Variants in SIPA1L2 observed in about 807,000 individuals in gnomAD.
SIPA1L2 encodes signal induced proliferation associated 1 like 2.
SIPA1L2 carries 56 observed loss-of-function variants against 163.9 expected under a neutral mutation model. That is an observed-to-expected ratio of 0.34 (90% CI 0.28 to 0.43). The LOEUF (loss-of-function observed/expected upper bound fraction) is 0.43, where lower values mean the gene tolerates loss of function less well. Among genes scored for constraint, SIPA1L2 ranks in the 20% least tolerant of loss-of-function variants. The pLI is 1.00. For missense variants in SIPA1L2, 1,974 were observed against 2,193.5 expected (o/e 0.90, Z 2.00); for synonymous variants, 877 against 865.7 (o/e 1.01, Z -0.23).
intron 2 of SIPA1L2, among the ~76,000 whole-genome samples, chr1:232,522,715 A>C (rs1004670488): frequency 3.3e-5 from 5 of 152,204 alleles, no homozygotes; most frequent in Admixed American, 3.3e-4. Context: ...AAGTGGGAAT[A>C]ATTTTATCTA....
At chr1:232,587,327 C>G (rs1424577738) in intron 1 of SIPA1L2, among the ~76,000 whole-genome samples, 1 of 151,890 alleles carries the variant, frequency 6.6e-6, no homozygotes, top group Non-Finnish European at 1.5e-5. Flanking sequence ...CGTCTATCAC[C>G]ACACGTATGA....
intron 8 of SIPA1L2, among the ~76,000 whole-genome samples, chr1:232,468,757 A>C (rs1664650696): frequency 6.6e-6 from 1 of 152,186 alleles, no homozygotes; most frequent in Non-Finnish European, 1.5e-5. Context: ...CTTAGCTACC[A>C]AGACTTCTCT....
intron 5 of SIPA1L2, among the ~76,000 whole-genome samples, chr1:232,487,464 G>A (rs1389243918): frequency 6.6e-6 from 1 of 152,108 alleles, no homozygotes; most frequent in African/African-American, 2.4e-5. Flanking sequence ...AGGACAAGAG[G>A]GGAATGGGGC....
intron 1 of SIPA1L2, among the ~76,000 whole-genome samples, chr1:232,611,019 G>C (rs1238979575): frequency 6.6e-6 from 1 of 152,132 alleles, no homozygotes; most frequent in African/African-American, 2.4e-5. Context: ...TTGTGGGAGG[G>C]ACCCAGTGGG....
chr1:232,529,354 G>A lies in SIPA1L2; in HGVS notation c.-269-13746C>T, dbSNP rs150779091. On this transcript the variant is annotated intron_variant, in intron 2 of 22. Transcript: ENST00000674635. ...CTCTAAAACTTGACCTTCAAAATACGTTGTGTTCCTTTACTATGTAACGGT... is the reference window on the plus strand; with the variant it reads ...CTCTAAAACTTGACCTTCAAAATACATTGTGTTCCTTTACTATGTAACGGT... Among the ~76,000 whole-genome samples, 44 of 152,214 alleles carry A rather than the reference G, an allele frequency of 2.9e-4. No individual in the cohort carries two copies. The South Asian group carries it at 4.4e-3, about 15-fold the overall frequency.
At chr1:232,450,983 G>A (rs904847587) in intron 10 of SIPA1L2, among the ~76,000 whole-genome samples, 1 of 152,054 alleles carries the variant, frequency 6.6e-6, no homozygotes. Context: ...ACTAAGAACT[G>A]GCATTCTTTT....
rs200442380 is a variant in SIPA1L2 at position 232,471,496 on chromosome 1, G to A, written c.2118C>T (p.Ile706=). 9 of 1,613,812 alleles carry A rather than the reference G, an allele frequency of 5.6e-6. No individual in the cohort carries two copies. Among genetic ancestry groups the A allele is most frequent in the African/African-American group, 4.0e-5 (3 of 74,912 alleles). ...LLRKRHIGND[I]VTIVFQEPGA... is the part of the protein sequence containing the mutation. Reference sequence around the variant, plus strand: ...CAGGCTCCTGGAAGACGATGGTGACGATGTCATTTCCTATGTGCCTTTTCC... The same window carrying A: ...CAGGCTCCTGGAAGACGATGGTGACAATGTCATTTCCTATGTGCCTTTTCC... Residue 706 remains isoleucine (I), a synonymous_variant, in exon 8 of 23, where the codon ATC becomes ATT. Transcript: ENST00000674635.
At chr1:232,474,304 T>G (rs1177830634) in intron 7 of SIPA1L2, among the ~76,000 whole-genome samples, 1 of 152,234 alleles carries the variant, frequency 6.6e-6, no homozygotes, top group Non-Finnish European at 1.5e-5. Context: ...ACATAGTCAT[T>G]TCTACTAAAT....
At chr1:232,399,941 C>T (rs1660234442) in intron 22 of SIPA1L2, among the ~76,000 whole-genome samples, 1 of 152,160 alleles carries the variant, frequency 6.6e-6, no homozygotes, top group African/African-American at 2.4e-5. Flanking sequence ...CGGGATCTAA[C>T]TCAACCACTA....
chr1:232,603,818 T>A (rs1661742296), intron 1 of SIPA1L2, among the ~76,000 whole-genome samples: 1 of 152,014 alleles, frequency 6.6e-6, no homozygotes, highest in East Asian at 1.9e-4. Flanking sequence ...ATACCCCAAG[T>A]CTTTACTGAG....
At chr1:232,604,113 CA>C (rs1661760827) in intron 1 of SIPA1L2, among the ~76,000 whole-genome samples, 1 of 152,114 alleles carries the variant, frequency 6.6e-6, no homozygotes, top group Non-Finnish European at 1.5e-5. Flanking sequence ...TCTTGCTTAT[CA>C]GTTTAAGAAT....
At chr1:232,540,196 C>T (rs1406687448) in intron 2 of SIPA1L2, among the ~76,000 whole-genome samples, 1 of 151,992 alleles carries the variant, frequency 6.6e-6, no homozygotes, top group African/African-American at 2.4e-5. Flanking sequence ...CCCAGCTACT[C>T]GAGAGGCTGA....
At chr1:232,623,791 T>C (rs993373026) in intron 1 of SIPA1L2, among the ~76,000 whole-genome samples, 1 of 151,798 alleles carries the variant, frequency 6.6e-6, no homozygotes, top group African/African-American at 2.4e-5. Flanking sequence ...AAAGAATAAA[T>C]ACACAGTAAA....
rs2102978620 is a variant in SIPA1L2, at chr1:232,483,776, CA to C, written c.1981+15del. On this transcript the variant is annotated intron_variant, in intron 6 of 22. Coordinates refer to ENST00000674635, the MANE Select transcript of SIPA1L2 (RefSeq NM_020808.5). Reference sequence around the variant, plus strand: ...GGAGAATTAAAAATGTGCACACACACAAACATTAAACTTACTCTTATTGTCT... The same window carrying C: ...GGAGAATTAAAAATGTGCACACACACAACATTAAACTTACTCTTATTGTCT... The C allele has an allele frequency of 1.9e-6, 3 of 1,613,368 alleles. No homozygotes were observed.
At chr1:232,495,564 CAAAA>C (rs386369969) in intron 3 of SIPA1L2, among the ~76,000 whole-genome samples, 5 of 100,380 alleles carry the variant, frequency 5.0e-5, no homozygotes, top group Admixed American at 9.3e-5. Flanking sequence ...GACTCCGTCT[CAAAA>C]AAAAAAAAAA....
intron 21 of SIPA1L2, 36 bp from the exon 22 acceptor site, chr1:232,402,509 G>GAGT: frequency 6.3e-7 from 1 of 1,575,770 alleles, no homozygotes; most frequent in African/African-American, 1.4e-5. Flanking sequence ...AGATTCAAGA[G>GAGT]AGTCAATCGA....
chr1:232,532,212 G>A (rs1390789431), intron 2 of SIPA1L2, among the ~76,000 whole-genome samples: 2 of 152,218 alleles, frequency 1.3e-5, no homozygotes, highest in African/African-American at 4.8e-5. Context: ...TTCCTGGTGG[G>A]AGGATTGAAC....
chr1:232,525,258 C>T (rs1344543388), intron 2 of SIPA1L2, among the ~76,000 whole-genome samples: 1 of 106,112 alleles, frequency 9.4e-6, no homozygotes, highest in South Asian at 3.2e-4. Flanking sequence ...TTTTTGGAGA[C>T]GGAGTCTTGC....
At chr1:232,617,609 T>C (rs191609817) in intron 1 of SIPA1L2, among the ~76,000 whole-genome samples, 17 of 151,868 alleles carry the variant, frequency 1.1e-4, no homozygotes, top group Admixed American at 2.0e-4. Context: ...TTACATCACA[T>C]GCAAGAACAT....
Sources: gnomAD v4.1 joint callset for allele counts (sites outside exome capture counted in the v4.1 genomes callset) on GRCh38, gnomAD v4.1.1 for gene constraint, MANE v1.5 for transcripts, NCBI Gene and HGNC (gene_info 2026-07-23, HGNC 2026-07-21) for gene names.